SEMA3D: variants seen among roughly 807,000 people sequenced by gnomAD.
SEMA3D encodes semaphorin 3D.
A neutral mutation model predicts 100.1 loss-of-function variants in SEMA3D; 84 were observed. The ratio of observed to expected loss-of-function variants is 0.84; its 90% CI spans 0.70 to 1.01. SEMA3D has a LOEUF of 1.01. SEMA3D is among the 50% of genes least tolerant of loss of function. SEMA3D has a pLI of 0.00. For synonymous variants in SEMA3D, 312 were observed against 320.7 expected (o/e 0.97, Z 0.29); for missense variants, 875 against 934.1 (o/e 0.94, Z 0.82).
chr7:85,124,374 CTT>C (rs1481376558), intron 2 of SEMA3D, among the ~76,000 whole-genome samples: 6 of 151,654 alleles, frequency 4.0e-5, no homozygotes, highest in African/African-American at 9.7e-5. Context: ...ATTTATATAA[CTT>C]GTGATGGTAT....
chr7:85,240,209 G>A, the SEMA3D span, among the ~76,000 whole-genome samples: 1 of 152,058 alleles, frequency 6.6e-6, no homozygotes, highest in Admixed American at 6.6e-5. Context: ...CTGAGGGTGA[G>A]TGTTAGATTT....
Position 85,098,414 on chromosome 7 carries a change from ATATT to A in SEMA3D, c.152-453_152-450del, listed in dbSNP as rs1209423132. ...AAATTATCATTTAAAGCATCTATAT[ATATT>A]AATATTTGCAAATCTATAAAATTAA... is the stretch of plus-strand genomic sequence containing the variant. On this transcript the variant is annotated intron_variant, in intron 3 of 18. Coordinates refer to ENST00000284136, the MANE Select transcript of SEMA3D (RefSeq NM_001384900.1). 5.9e-5 allele frequency among the ~76,000 whole-genome samples: 9 copies of A among 151,940 alleles called. No homozygotes were observed. The South Asian group carries it at 6.2e-4, about 10-fold the overall frequency.
At chr7:85,126,809 G>C (rs1235923525) in intron 2 of SEMA3D, among the ~76,000 whole-genome samples, 13 of 152,122 alleles carry the variant, frequency 8.5e-5, no homozygotes, top group Non-Finnish European at 1.0e-4. Context: ...TTATGTTACA[G>C]GGGGCTATTA....
chr7:85,003,577 C>A (rs1789712598), intron 18 of SEMA3D, among the ~76,000 whole-genome samples: 1 of 151,180 alleles, frequency 6.6e-6, no homozygotes, highest in Non-Finnish European at 1.5e-5. Context: ...CAGAAATTGT[C>A]AGAAACAAAA....
At chr7:85,211,409 G>T in the SEMA3D span, among the ~76,000 whole-genome samples, 7 of 152,140 alleles carry the variant, frequency 4.6e-5, no homozygotes, top group East Asian at 1.2e-3. Context: ...GTTAGGTGAA[G>T]ATAGAAAGCC....
intron 4 of SEMA3D, among the ~76,000 whole-genome samples, chr7:85,088,580 G>C (rs186095503): frequency 7.2e-5 from 11 of 152,258 alleles, no homozygotes; most frequent in African/African-American, 9.6e-5. Flanking sequence ...ACAACTAAAA[G>C]AGCAATGGTT....
intron 18 of SEMA3D, among the ~76,000 whole-genome samples, chr7:85,006,305 C>T (rs1584518390): frequency 6.6e-6 from 1 of 151,968 alleles, no homozygotes; most frequent in African/African-American, 2.4e-5. Context: ...ATCCTGTGTT[C>T]ATTCCATTAT....
At chr7:85,183,108 C>T (rs1387740635) in intron 1 of SEMA3D, among the ~76,000 whole-genome samples, 3 of 152,000 alleles carry the variant, frequency 2.0e-5, no homozygotes, top group Admixed American at 6.6e-5. Flanking sequence ...ATGTCTTCCC[C>T]TTGAGATTGA....
intron 9 of SEMA3D, among the ~76,000 whole-genome samples, chr7:85,049,043 G>A (rs1176339932): frequency 6.6e-6 from 1 of 151,228 alleles, no homozygotes; most frequent in Non-Finnish European, 1.5e-5. Flanking sequence ...CTGATACTTA[G>A]GATTCCCCCC....
intron 15 of SEMA3D, 40 bp from the exon 16 acceptor site, chr7:85,015,256 C>T (rs754100856): frequency 1.6e-5 from 25 of 1,585,212 alleles, no homozygotes; most frequent in Non-Finnish European, 2.0e-5. Context: ...AAGCATCTTT[C>T]AGACTAGTCT....
the SEMA3D span, among the ~76,000 whole-genome samples, chr7:85,216,383 G>T: frequency 6.6e-6 from 1 of 150,854 alleles, no homozygotes; most frequent in Admixed American, 6.6e-5. Context: ...GTGTGTGTGT[G>T]TGTGTGAAAA....
intron 1 of SEMA3D, among the ~76,000 whole-genome samples, chr7:85,168,439 G>C (rs774726555): frequency 1.2e-4 from 18 of 151,506 alleles, no homozygotes; most frequent in Non-Finnish European, 2.1e-4. Flanking sequence ...AACAATTCTG[G>C]CAGTACAGGC....
the SEMA3D span, among the ~76,000 whole-genome samples, chr7:85,245,476 G>A: frequency 6.6e-6 from 1 of 152,122 alleles, no homozygotes; most frequent in Non-Finnish European, 1.5e-5. Flanking sequence ...CAGCTATAAT[G>A]TTCGACTTTC....
chr7:85,175,367 G>A (rs1791196718), intron 1 of SEMA3D, among the ~76,000 whole-genome samples: 1 of 152,108 alleles, frequency 6.6e-6, no homozygotes, highest in Admixed American at 6.5e-5. Flanking sequence ...GCTCTCTGAA[G>A]GTTTATTGAG....
At chr7:85,110,245 G>A (rs1358952310) in intron 3 of SEMA3D, among the ~76,000 whole-genome samples, 1 of 151,888 alleles carries the variant, frequency 6.6e-6, no homozygotes, top group Admixed American at 6.6e-5. Flanking sequence ...TTAGAGCAAT[G>A]TTCCATATAC....
chr7:85,207,713 C>T, the SEMA3D span, among the ~76,000 whole-genome samples: 1 of 151,838 alleles, frequency 6.6e-6, no homozygotes, highest in Admixed American at 6.6e-5. Context: ...TAAATATAAA[C>T]AAACATATAA....
the SEMA3D span, among the ~76,000 whole-genome samples, chr7:85,243,053 C>A: frequency 6.6e-6 from 1 of 152,108 alleles, no homozygotes; most frequent in South Asian, 2.1e-4. Flanking sequence ...TTATCACCAA[C>A]CAGTTCTGCT....
At chr7:85,041,572 T>G (rs1414483047) in intron 10 of SEMA3D, 1 of 152,134 alleles carries the variant, frequency 6.6e-6, no homozygotes, top group Admixed American at 6.6e-5. Context: ...AGATTATCAT[T>G]TTTACATTAC....
intron 10 of SEMA3D, 111 bp downstream of exon 10, chr7:85,042,060 G>A: frequency 3.8e-6 from 3 of 792,544 alleles, no homozygotes; most frequent in Non-Finnish European, 6.5e-6. Flanking sequence ...ACTCCTGTAA[G>A]GTTTGCTCAG....
Sources: allele counts gnomAD v4.1 joint callset (sites outside exome capture counted in the v4.1 genomes callset), GRCh38; gene constraint gnomAD v4.1.1; transcripts MANE v1.5; gene names NCBI Gene and HGNC (gene_info 2026-07-23, HGNC 2026-07-21).